The following MRTFB variants were observed in gnomAD, a reference collection of about 807,000 sequenced individuals.
MRTFB encodes the protein myocardin related transcription factor B.
Under a neutral mutation model 104.2 loss-of-function variants are expected in MRTFB, and 29 were observed. That is an observed-to-expected ratio of 0.28 (90% confidence interval 0.21 to 0.38). MRTFB has a LOEUF of 0.38. Among genes scored for constraint, MRTFB ranks in the 10% least tolerant of loss-of-function variants. MRTFB has a pLI of 1.00. For missense variants in MRTFB, 1,270 were observed against 1,341.6 expected, an observed-to-expected ratio of 0.95 and a Z score of 0.83; for synonymous variants, 535 against 519.5, an observed-to-expected ratio of 1.03 and a Z score of -0.41.
chr16:14,101,643 A>G (rs1034111637), intron 2 of MRTFB, among the ~76,000 whole-genome samples: 1 of 152,158 alleles, frequency 6.6e-6, no homozygotes, highest in African/African-American at 2.4e-5. Context: ...TAGCTGTAAT[A>G]GTTTTGGCAA....
At chr16:14,012,458 C>CTGGCT in the MRTFB span, among the ~76,000 whole-genome samples, 9 of 151,828 alleles carry the variant, frequency 5.9e-5, no homozygotes, top group African/African-American at 2.2e-4. Flanking sequence ...GCCACCACGC[C>CTGGCT]TGGCTAATTT....
chr16:14,080,463 CAT>C (rs1472115964), intron 2 of MRTFB, among the ~76,000 whole-genome samples: 1 of 152,174 alleles, frequency 6.6e-6, no homozygotes, highest in East Asian at 1.9e-4. Context: ...CGTTACCTCA[CAT>C]AGTTACCATT....
At chr16:14,011,563 T>G in the MRTFB span, among the ~76,000 whole-genome samples, 1 of 152,196 alleles carries the variant, frequency 6.6e-6, no homozygotes, top group Non-Finnish European at 1.5e-5. Flanking sequence ...ATTTCCTAAA[T>G]TAATAAGAGC....
chr16:14,234,001 A>G (rs1156405488), intron 8 of MRTFB, 145 bp from the exon 9 acceptor site: 16 of 945,856 alleles, frequency 1.7e-5, no homozygotes, highest in Non-Finnish European at 2.5e-5. Flanking sequence ...TTATTCCACC[A>G]TCTGGCCTCA....
At position 14,247,422 on chromosome 16, in the gene MRTFB, A is replaced by G; in HGVS notation, c.2162A>G (p.Gln721Arg). The G allele has an allele frequency of 6.2e-7, 1 of 1,610,684 alleles. No individual in the cohort carries two copies. The highest frequency in any genetic ancestry group is 2.2e-5 in the East Asian group (1 of 44,870). The change falls in exon 12 of 17, where the codon CAG becomes CGG. Residue 721 changes from glutamine (Q) to arginine (R), a missense_variant. Gln to Arg is a conservative substitution (Grantham distance 43). This residue lies in a region of MRTFB where 1,144 missense variants were observed against 1,131.5 expected (regional missense o/e 1.01). Transcript: ENST00000571589. ...VAQPQALLTT[Q>R]TAQLLLPVSI... ...CAGCCCCAGGCTTTACTGACCACGCAGACTGCTCAGCTGCTGCTCCCAGTG... is the reference window on the plus strand; with the variant it reads ...CAGCCCCAGGCTTTACTGACCACGCGGACTGCTCAGCTGCTGCTCCCAGTG...
intron 3 of MRTFB, among the ~76,000 whole-genome samples, chr16:14,156,483 G>A (rs2142849422): frequency 6.6e-6 from 1 of 152,316 alleles, no homozygotes; most frequent in Middle Eastern, 3.4e-3. Context: ...GTTATGGTTG[G>A]TTCTCATGGC....
chr16:14,040,464 A>AT, the MRTFB span, among the ~76,000 whole-genome samples: 1 of 115,168 alleles, frequency 8.7e-6, no homozygotes, highest in Non-Finnish European at 1.8e-5. Context: ...ATATTACTAA[A>AT]TCTTTTTTTT....
intron 16 of MRTFB, among the ~76,000 whole-genome samples, chr16:14,260,501 T>C (rs1442029351): frequency 6.6e-6 from 1 of 152,190 alleles, no homozygotes; most frequent in Non-Finnish European, 1.5e-5. Context: ...TAGGATGATA[T>C]GAGCCCTATC....
intron 13 of MRTFB, among the ~76,000 whole-genome samples, chr16:14,251,091 A>C (rs2043233573): frequency 6.6e-6 from 1 of 152,068 alleles, no homozygotes; most frequent in Non-Finnish European, 1.5e-5. Context: ...AAGACTTGAG[A>C]GTAGGCCGGG....
At chr16:14,246,437 C>T in intron 11 of MRTFB, 36 bp from the exon 12 acceptor site, 3 of 1,601,212 alleles carry the variant, frequency 1.9e-6, no homozygotes, top group South Asian at 1.1e-5. Flanking sequence ...CCAGAAAGCT[C>T]TAATACTAAG....
At chr16:14,029,849 G>T in the MRTFB span, among the ~76,000 whole-genome samples, 2 of 152,272 alleles carry the variant, frequency 1.3e-5, no homozygotes, top group Admixed American at 6.5e-5. Flanking sequence ...GGATGGCACA[G>T]AGACTGGCTA....
the MRTFB span, among the ~76,000 whole-genome samples, chr16:14,008,051 A>G: frequency 1.3e-5 from 2 of 152,226 alleles, no homozygotes; most frequent in Non-Finnish European, 2.9e-5. Context: ...ACGTCTTTGA[A>G]GCACAAAAGT....
intron 1 of MRTFB, among the ~76,000 whole-genome samples, chr16:14,078,948 G>C (rs928652804): frequency 6.6e-6 from 1 of 152,098 alleles, no homozygotes; most frequent in Non-Finnish European, 1.5e-5. Context: ...GGCACACAGA[G>C]AAGTTACTTA....
At chr16:14,207,177 T>C (rs186432992) in intron 3 of MRTFB, among the ~76,000 whole-genome samples, 102 of 152,306 alleles carry the variant, frequency 6.7e-4, no homozygotes, top group Non-Finnish European at 1.2e-3. Flanking sequence ...ATAATACTTG[T>C]AGTGGGAGGT....
the MRTFB span, chr16:14,013,141 C>A: frequency 6.6e-6 from 1 of 152,184 alleles, no homozygotes; most frequent in Non-Finnish European, 1.5e-5. Flanking sequence ...CAGCTATGTC[C>A]TGAGCGCTCT....
chr16:14,061,587 T>G, the MRTFB span, among the ~76,000 whole-genome samples: 23 of 149,688 alleles, frequency 1.5e-4, no homozygotes, highest in African/African-American at 5.4e-4. Context: ...TTTTTTTTTT[T>G]GGTAACAAAG....
At chr16:14,029,420 ATATAT>A in the MRTFB span, among the ~76,000 whole-genome samples, 8 of 41,690 alleles carry the variant, frequency 1.9e-4, no homozygotes, top group Non-Finnish European at 4.4e-4. Context: ...AAAAAAAAAA[ATATAT>A]ATATATATAT....
intron 2 of MRTFB, among the ~76,000 whole-genome samples, chr16:14,129,587 G>T (rs1041883151): frequency 3.9e-5 from 6 of 152,122 alleles, no homozygotes; most frequent in Non-Finnish European, 8.8e-5. Context: ...GGATCATATG[G>T]TAAAATTATG....
At chr16:14,022,643 A>G in the MRTFB span, among the ~76,000 whole-genome samples, 1 of 151,942 alleles carries the variant, frequency 6.6e-6, no homozygotes, top group Non-Finnish European at 1.5e-5. Flanking sequence ...TGACCTTGTG[A>G]TCCACCCAAA....
Sources: gnomAD v4.1 joint callset for allele counts (sites outside exome capture counted in the v4.1 genomes callset) on GRCh38, gnomAD v4.1.1 for gene constraint, gnomAD v4.1.1 regional missense constraint, MANE v1.5 for transcripts, NCBI Gene and HGNC (gene_info 2026-07-23, HGNC 2026-07-21) for gene names.